Variants in GINS3 observed in about 807,000 individuals in gnomAD.
The protein encoded by GINS3 is DNA replication complex GINS protein PSF3.
GINS3 carries 18 observed loss-of-function variants against 20.0 expected under a neutral mutation model. The ratio of observed to expected loss-of-function variants is 0.90; its 90% CI spans 0.62 to 1.33. The LOEUF (loss-of-function observed/expected upper bound fraction) is 1.33. Among genes scored for constraint, GINS3 ranks in the 40% most tolerant of loss-of-function variants. The pLI is 0.00. For synonymous variants in GINS3, 109 were observed against 107.0 expected, an observed-to-expected ratio of 1.02 and a Z score of -0.12; for missense variants, 254 against 273.6, an observed-to-expected ratio of 0.93 and a Z score of 0.51.
chr16:58,394,912 CAG>C (rs1056302500), intron 1 of GINS3, among the ~76,000 whole-genome samples: 1 of 152,178 alleles, frequency 6.6e-6, no homozygotes, highest in African/African-American at 2.4e-5. Context: ...TCTTTGAGTG[CAG>C]AGTGTCTACA....
In GINS3 at chr16:58,392,698, C is replaced by G. The variant is rs1433876398; in HGVS notation, c.97C>G (p.Pro33Ala). ...DDILMSHEKLPVRTETAMPRL... is the reference protein window; with the variant it reads ...DDILMSHEKLAVRTETAMPRL... ...CATCCTGATGTCCCACGAGAAGCTG[C>G]CGGTGCGCACGGAGACCGCCATGCC... Residue 33 changes from proline (P) to alanine (A), a missense_variant, in exon 1 of 3, where the codon CCG becomes GCG. Pro to Ala is a conservative substitution (Grantham distance 27). Coordinates refer to ENST00000318129, the MANE Select transcript of GINS3 (RefSeq NM_022770.4). 6.2e-7 allele frequency: 1 copy of G among 1,614,144 alleles called. No individual in the cohort carries two copies. The highest frequency in any genetic ancestry group is 1.3e-5 in the African/African-American group (1 of 74,954).
chr16:58,392,834 G>A, intron 1 of GINS3, 47 bp downstream of exon 1: 1 of 1,522,078 alleles, frequency 6.6e-7, no homozygotes, highest in Non-Finnish European at 8.8e-7. Flanking sequence ...TGCAGCTCCC[G>A]GCGGGCCCCT....
At position 58,405,084 on chromosome 16, in the gene GINS3, TAC is replaced by T. The variant is rs200471092; in HGVS notation, c.*357_*358del. 3.9e-3 allele frequency: 927 copies of T among 236,036 alleles called. 10 individuals carry two copies. The highest frequency in any genetic ancestry group is 0.016 in the African/African-American group (718 of 44,488). 14.6% of individuals were successfully genotyped at this position (236,036 alleles called of 1,614,324 possible). ...CTGGGAGTTTGGACAGCTTCAGATG[TAC>T]AGTTTCACTAGCCACAAAGCACAGG... On this transcript the variant is annotated 3_prime_UTR_variant, in exon 3 of 3. Transcript: ENST00000318129.
chr16:58,393,959 C>T (rs540319809), intron 1 of GINS3, among the ~76,000 whole-genome samples: 1 of 151,996 alleles, frequency 6.6e-6, no homozygotes, highest in East Asian at 1.9e-4. Flanking sequence ...GTGGTGTCTT[C>T]AAGATTCATC....
Position 58,395,955 on chromosome 16 carries a change from G to T in GINS3, c.186+3168G>T, listed in dbSNP as rs578075677. ...TCCCGGACGGGGCGGCTGGCTGGGCGGGGGGCTGGCCCCCCCACCTCCCTC... is the reference window on the plus strand; with the variant it reads ...TCCCGGACGGGGCGGCTGGCTGGGCTGGGGGCTGGCCCCCCCACCTCCCTC... On this transcript the variant is annotated intron_variant, in intron 1 of 2. Transcript: ENST00000318129. Among the ~76,000 whole-genome samples the T allele has an allele frequency of 5.4e-5, 8 of 148,190 alleles. No homozygotes were observed. In the South Asian group the frequency reaches 1.7e-3, roughly 32 times the overall value.
chr16:58,399,961 T>C (rs547021913), intron 1 of GINS3, among the ~76,000 whole-genome samples: 1 of 152,296 alleles, frequency 6.6e-6, no homozygotes, highest in Non-Finnish European at 1.5e-5. Flanking sequence ...TGTAAAACAT[T>C]ATTATTATAT....
chr16:58,392,889 G>C (rs1965803113), intron 1 of GINS3, 102 bp downstream of exon 1: 1 of 1,291,518 alleles, frequency 7.7e-7, no homozygotes, highest in African/African-American at 1.5e-5. Flanking sequence ...TTTGGGATTT[G>C]TAGTTTTCGA....
chr16:58,396,507 C>A (rs1965863067), intron 1 of GINS3, among the ~76,000 whole-genome samples: 1 of 112 alleles, frequency 8.9e-3, no homozygotes, highest in African/African-American at 0.045. Context: ...GGAGGCTGGC[C>A]GGGCGGGGGC....
At chr16:58,399,180 G>A (rs1251401663) in intron 1 of GINS3, among the ~76,000 whole-genome samples, 1 of 151,588 alleles carries the variant, frequency 6.6e-6, no homozygotes, top group Non-Finnish European at 1.5e-5. Context: ...TGAGTGTGGT[G>A]GCACATGCCT....
At chr16:58,397,140 C>T (rs1965886651) in intron 1 of GINS3, among the ~76,000 whole-genome samples, 2 of 151,042 alleles carry the variant, frequency 1.3e-5, no homozygotes, top group South Asian at 4.2e-4. Context: ...GGTGTAGCTG[C>T]CGGGCGGAGG....
intron 1 of GINS3, among the ~76,000 whole-genome samples, chr16:58,396,756 C>CA (rs1965874223): frequency 9.4e-6 from 1 of 105,870 alleles, no homozygotes; most frequent in Admixed American, 8.7e-5. Context: ...GCTGGCCGGG[C>CA]GGGGGGCTGA....
At chr16:58,394,638 C>T (rs1021377201) in intron 1 of GINS3, among the ~76,000 whole-genome samples, 4 of 152,226 alleles carry the variant, frequency 2.6e-5, no homozygotes, top group African/African-American at 7.2e-5. Flanking sequence ...TAAGCCACCT[C>T]GCCCAGCCTT....
rs567752943 is a variant in GINS3 at position 58,395,745 on chromosome 16, A to G, written c.186+2958A>G. ...CACGTCTACTTGTTTCTACACAGAC[A>G]CAGCAACCATCCGATTTCTCAATCT... On this transcript the variant is annotated intron_variant, in intron 1 of 2. Transcript: ENST00000318129. Among the ~76,000 whole-genome samples, 145 of 152,302 alleles carry G rather than the reference A, an allele frequency of 9.5e-4. 1 individual carries two copies. The highest frequency in any genetic ancestry group is 3.1e-3 in the African/African-American group (128 of 41,558).
intron 2 of GINS3, chr16:58,404,036 G>A (rs1277391301): frequency 1.2e-5 from 2 of 165,324 alleles, no homozygotes; most frequent in East Asian, 1.7e-4. Context: ...AACTCATATT[G>A]TTATTACTTT....
At chr16:58,393,052 G>A (rs1032990484) in intron 1 of GINS3, among the ~76,000 whole-genome samples, 1 of 152,114 alleles carries the variant, frequency 6.6e-6, no homozygotes, top group African/African-American at 2.4e-5. Flanking sequence ...TTTCTTTTTT[G>A]AAACTGTCCA....
chr16:58,402,086 T>C (rs1965963752), intron 1 of GINS3, among the ~76,000 whole-genome samples: 1 of 152,236 alleles, frequency 6.6e-6, no homozygotes, highest in South Asian at 2.1e-4. Flanking sequence ...CTGTTTTTTC[T>C]CTAGATACTT....
intron 1 of GINS3, among the ~76,000 whole-genome samples, chr16:58,396,413 G>C (rs1433813258): frequency 5.1e-5 from 6 of 117,802 alleles, no homozygotes; most frequent in Non-Finnish European, 7.1e-5. Flanking sequence ...CCTCCCTCCC[G>C]GACGGGGCGG....
chr16:58,397,058 GC>G (rs1405362557), intron 1 of GINS3, among the ~76,000 whole-genome samples: 1 of 149,626 alleles, frequency 6.7e-6, no homozygotes, highest in African/African-American at 2.5e-5. Context: ...GGCTGGCCGG[GC>G]GGGGGGCTGA....
At chr16:58,394,583 G>A (rs1474060205) in intron 1 of GINS3, among the ~76,000 whole-genome samples, 3 of 152,190 alleles carry the variant, frequency 2.0e-5, no homozygotes, top group Non-Finnish European at 4.4e-5. Flanking sequence ...CTGACTTCAA[G>A]TGATCCACCC....
Sources: gnomAD v4.1 joint callset for allele counts (sites outside exome capture counted in the v4.1 genomes callset) on GRCh38, gnomAD v4.1.1 for gene constraint, MANE v1.5 for transcripts, NCBI Gene and HGNC (gene_info 2026-07-23, HGNC 2026-07-21) for gene names.